The following PCSK5 variants were observed in gnomAD, a reference collection of about 807,000 sequenced individuals.
PCSK5 encodes prohormone convertase 5.
Under a neutral mutation model 233.2 loss-of-function variants are expected in PCSK5, and 129 were observed. The ratio of observed to expected loss-of-function variants is 0.55; its 90% CI spans 0.48 to 0.64. The LOEUF is 0.64. Among genes scored for constraint, PCSK5 ranks in the 30% least tolerant of loss-of-function variants. The probability of loss-of-function intolerance (pLI) is 0.00; values close to 1 mark genes in which losing one functional copy is unlikely to be tolerated. For synonymous variants in PCSK5, 825 were observed against 879.2 expected, an observed-to-expected ratio of 0.94 and a Z score of 1.09; for missense variants, 2,076 against 2,430.1, an observed-to-expected ratio of 0.85 and a Z score of 3.06.
chr9:75,935,383 C>T (rs1443453741), intron 2 of PCSK5, among the ~76,000 whole-genome samples: 1 of 152,080 alleles, frequency 6.6e-6, no homozygotes, highest in East Asian at 1.9e-4. Context: ...CACATGTATA[C>T]GTATGTAAGG....
intron 10 of PCSK5, among the ~76,000 whole-genome samples, chr9:76,145,106 C>G (rs1378338963): frequency 6.6e-6 from 1 of 152,114 alleles, no homozygotes; most frequent in Non-Finnish European, 1.5e-5. Flanking sequence ...GTCTGAGCGA[C>G]AGAGCAAGAC....
At chr9:76,324,679 C>T (rs777893628) in intron 32 of PCSK5, among the ~76,000 whole-genome samples, 25 of 152,090 alleles carry the variant, frequency 1.6e-4, no homozygotes, top group African/African-American at 3.9e-4. Context: ...TGTTTTAACT[C>T]GGCATGAATC....
chr9:76,096,289 G>A (rs1831511818), intron 8 of PCSK5, among the ~76,000 whole-genome samples, 187 bp downstream of exon 8: 1 of 152,068 alleles, frequency 6.6e-6, no homozygotes, highest in Non-Finnish European at 1.5e-5. Context: ...AATTGAAAAT[G>A]CTTGTGCAGT....
At chr9:76,313,908 A>G (rs147714561) in intron 30 of PCSK5, among the ~76,000 whole-genome samples, 1,721 of 152,228 alleles carry the variant, frequency 0.011, 33 homozygotes, top group African/African-American at 0.038. Context: ...CTCCTCCCCT[A>G]TCAACCGAGC....
intron 7 of PCSK5, among the ~76,000 whole-genome samples, chr9:76,086,020 A>G (rs1266948672): frequency 1.3e-5 from 2 of 152,166 alleles, no homozygotes; most frequent in Non-Finnish European, 1.5e-5. Flanking sequence ...CCCCTTCCAT[A>G]TACATTTAAA....
At chr9:75,945,998 G>T (rs1471369425) in intron 2 of PCSK5, among the ~76,000 whole-genome samples, 1 of 152,056 alleles carries the variant, frequency 6.6e-6, no homozygotes, top group Non-Finnish European at 1.5e-5. Flanking sequence ...GTGACTGTTG[G>T]TTTTCTCATT....
At chr9:75,950,060 G>T (rs1824773758) in intron 2 of PCSK5, among the ~76,000 whole-genome samples, 1 of 138,114 alleles carries the variant, frequency 7.2e-6, no homozygotes, top group Non-Finnish European at 1.5e-5. Context: ...AACTCATTCT[G>T]CACCTTTTAA....
At chr9:76,016,075 A>G (rs1257686668) in intron 3 of PCSK5, among the ~76,000 whole-genome samples, 2 of 152,218 alleles carry the variant, frequency 1.3e-5, no homozygotes, top group Non-Finnish European at 2.9e-5. Context: ...TTATTTTCTC[A>G]AGAAAGTTCT....
At chr9:76,209,082 T>A (rs955710833) in intron 20 of PCSK5, among the ~76,000 whole-genome samples, 2 of 152,242 alleles carry the variant, frequency 1.3e-5, no homozygotes, top group Non-Finnish European at 2.9e-5. Flanking sequence ...CAGTCATTTT[T>A]AACTAAGGAT....
Position 76,328,171 on chromosome 9 carries a change from A to T in PCSK5, c.4502A>T (p.Lys1501Met). Residue 1501 changes from lysine (K) to methionine (M), a missense_variant, in exon 33 of 38, where the codon AAG becomes ATG. By Grantham distance (95) the Lys-to-Met change is moderately conservative (BLOSUM62 -1). Transcript: ENST00000674117. ...DAPGCKPCHV[K>M]CFHCMGPAED... Reference sequence around the variant, plus strand: ...CCCGGGTGCAAGCCCTGCCATGTTAAGTGCTTCCACTGCATGGGGCCGGCG... The same window carrying T: ...CCCGGGTGCAAGCCCTGCCATGTTATGTGCTTCCACTGCATGGGGCCGGCG... 1 of 1,612,844 alleles carries T rather than the reference A, an allele frequency of 6.2e-7. No individual in the cohort carries two copies.
chr9:76,190,356 C>T (rs1289982002), intron 20 of PCSK5, among the ~76,000 whole-genome samples: 4 of 151,028 alleles, frequency 2.6e-5, no homozygotes, highest in African/African-American at 9.7e-5. Flanking sequence ...TTTACAGTCT[C>T]CATAGATTTG....
At chr9:75,901,028 G>A (rs1826008198) in intron 1 of PCSK5, among the ~76,000 whole-genome samples, 2 of 152,100 alleles carry the variant, frequency 1.3e-5, no homozygotes, top group Non-Finnish European at 2.9e-5. Context: ...GAAGAGAAAC[G>A]TTGGTGCCTC....
chr9:76,092,639 A>G (rs973634557), intron 7 of PCSK5, among the ~76,000 whole-genome samples: 1 of 152,218 alleles, frequency 6.6e-6, no homozygotes, highest in African/African-American at 2.4e-5. Context: ...GATTACAGGC[A>G]TAAGCACTGC....
At position 75,932,498 on chromosome 9, in the gene PCSK5, T is replaced by A. The variant is rs762639501; in HGVS notation, c.297+15T>A. On this transcript the variant is annotated intron_variant, in intron 2 of 37. Transcript: ENST00000674117. ...TGGAACCAAAGGTAAGAAGAACCAG[T>A]TGCGTGGGGACCAAGAGGCAAAGCT... The A allele has an allele frequency of 4.8e-6, 7 of 1,458,908 alleles. No individual in the cohort carries two copies. In the East Asian group the frequency reaches 1.6e-4, roughly 33 times the overall value. 90.4% of individuals were successfully genotyped at this position (1,458,908 alleles called of 1,614,324 possible).
chr9:76,276,495 ACCT>A (rs1827691879), intron 24 of PCSK5, among the ~76,000 whole-genome samples: 1 of 151,996 alleles, frequency 6.6e-6, no homozygotes, highest in Non-Finnish European at 1.5e-5. Flanking sequence ...CCCTGGCATC[ACCT>A]CCTGACTCTC....
At chr9:76,166,546 G>A (rs1823094237) in intron 12 of PCSK5, among the ~76,000 whole-genome samples, 1 of 152,214 alleles carries the variant, frequency 6.6e-6, no homozygotes, top group Admixed American at 6.5e-5. Flanking sequence ...GTTGGCTGAG[G>A]TTGTGGAAAC....
intron 5 of PCSK5, among the ~76,000 whole-genome samples, chr9:76,053,747 G>A (rs984682862): frequency 8.5e-5 from 13 of 152,064 alleles, no homozygotes; most frequent in Non-Finnish European, 1.6e-4. Context: ...ATGTCTCTAC[G>A]AAGTTCCAAA....
chr9:76,327,236 A>G (rs1054187470), intron 32 of PCSK5, among the ~76,000 whole-genome samples: 1 of 151,252 alleles, frequency 6.6e-6, no homozygotes, highest in Non-Finnish European at 1.5e-5. Context: ...CCTCCTGAGT[A>G]GCTGGGACTA....
intron 3 of PCSK5, among the ~76,000 whole-genome samples, chr9:76,016,257 C>T (rs1010766565): frequency 1.3e-5 from 2 of 152,192 alleles, no homozygotes; most frequent in Non-Finnish European, 2.9e-5. Flanking sequence ...TCCAGTGGTA[C>T]ACTGGATCCA....
Sources: gnomAD v4.1 joint callset for allele counts (sites outside exome capture counted in the v4.1 genomes callset) on GRCh38, gnomAD v4.1.1 for gene constraint, MANE v1.5 for transcripts, NCBI Gene and HGNC (gene_info 2026-07-23, HGNC 2026-07-21) for gene names.